Variants in RTKN2 observed in about 807,000 individuals in gnomAD.
The protein encoded by RTKN2 is rhotekin-2.
Under a neutral mutation model 71.5 loss-of-function variants are expected in RTKN2, and 69 were observed. The ratio of observed to expected loss-of-function variants is 0.96; its 90% CI spans 0.79 to 1.18. The LOEUF (loss-of-function observed/expected upper bound fraction) is 1.18. RTKN2 is among the 50% of genes most tolerant of loss of function. The probability of loss-of-function intolerance (pLI) is 0.00; values close to 1 mark genes in which losing one functional copy is unlikely to be tolerated. For synonymous variants in RTKN2, 236 were observed against 236.5 expected (o/e 1.00, Z 0.02); for missense variants, 724 against 719.7 (o/e 1.01, Z -0.07).
Position 62,196,978 on chromosome 10 carries a change from G to A in RTKN2, c.*930C>T, listed in dbSNP as rs1841344143. The A allele has an allele frequency of 4.1e-6, 4 of 970,068 alleles. No homozygotes were observed. The highest frequency in any genetic ancestry group is 2.4e-6 in the Non-Finnish European group (2 of 816,410). The allele number at this position is 970,068 out of a possible 1,614,324, so 60.1% of individuals were successfully genotyped here. ...TGACATTTAATGAAAAATACCACTA[G>A]CAGACATCAACTCTTACTAGGAAAA... On this transcript the variant is annotated 3_prime_UTR_variant, in exon 12 of 12. Coordinates refer to ENST00000373789, the MANE Select transcript of RTKN2 (RefSeq NM_145307.4).
chr10:62,236,634 T>G (rs35494593), intron 5 of RTKN2, among the ~76,000 whole-genome samples: 13,283 of 152,092 alleles, frequency 0.087, 781 homozygotes, highest in South Asian at 0.25. Context: ...CACTCCCCTG[T>G]TCATTGCAGC....
intron 6 of RTKN2, among the ~76,000 whole-genome samples, chr10:62,225,924 G>A (rs912457942): frequency 1.1e-4 from 17 of 151,894 alleles, no homozygotes; most frequent in African/African-American, 4.1e-4. Flanking sequence ...TGGGACTACA[G>A]GCGCCCGCCA....
At chr10:62,184,459 AGAAT>A (rs2132750503) in intron 8 of RTKN2, 1 of 764,012 alleles carries the variant, frequency 1.3e-6, no homozygotes, top group African/African-American at 1.8e-5. Context: ...ACCACCAATC[AGAAT>A]CACAAAAGGC....
chr10:62,251,981 T>C (rs778830990), intron 2 of RTKN2, among the ~76,000 whole-genome samples: 18 of 151,878 alleles, frequency 1.2e-4, no homozygotes, highest in Non-Finnish European at 2.4e-4. Flanking sequence ...CAGAAAGTGA[T>C]AGACACAGAG....
chr10:62,250,252 G>T (rs1051324678), intron 2 of RTKN2, among the ~76,000 whole-genome samples: 1 of 152,170 alleles, frequency 6.6e-6, no homozygotes, highest in South Asian at 2.1e-4. Flanking sequence ...GTAAAAGAAA[G>T]GGCTCCAAAA....
intron 2 of RTKN2, 48 bp downstream of exon 2, chr10:62,262,577 T>G: frequency 1.6e-6 from 2 of 1,263,748 alleles, no homozygotes; most frequent in South Asian, 2.9e-5. Context: ...TGTTTTAAAT[T>G]TACATATTTA....
chr10:62,189,267 C>G (rs1841182781), downstream of RTKN2, among the ~76,000 whole-genome samples: 1 of 152,124 alleles, frequency 6.6e-6, no homozygotes, highest in Middle Eastern at 3.4e-3. Context: ...CCCCTAGTTG[C>G]AACGATAAAA....
At chr10:62,210,673 T>C (rs1320835492) in intron 9 of RTKN2, among the ~76,000 whole-genome samples, 1 of 152,132 alleles carries the variant, frequency 6.6e-6, no homozygotes, top group Non-Finnish European at 1.5e-5. Context: ...AAAAAGGATA[T>C]CTTCATGTAT....
chr10:62,197,887 T>C lies in RTKN2; in HGVS notation c.*21A>G, dbSNP rs375907370. 5.7e-5 allele frequency: 90 copies of C among 1,578,194 alleles called. 5 individuals are homozygous for C. The highest frequency in any genetic ancestry group is 5.5e-4 in the Admixed American group (29 of 53,028). On this transcript the variant is annotated 3_prime_UTR_variant, in exon 12 of 12. Transcript: ENST00000373789. ...CTTCACAGTTATAGATTTTGTTAAA[T>C]GTTTTATCATTAAGAGTTTTCTATA... is the stretch of plus-strand genomic sequence containing the variant.
chr10:62,243,289 T>C (rs1480198344), intron 3 of RTKN2, among the ~76,000 whole-genome samples: 1 of 152,082 alleles, frequency 6.6e-6, no homozygotes, highest in African/African-American at 2.4e-5. Context: ...TAAATTATAT[T>C]GGCATAACAG....
intron 6 of RTKN2, among the ~76,000 whole-genome samples, chr10:62,227,525 G>C (rs1437621744): frequency 6.6e-6 from 1 of 152,184 alleles, no homozygotes; most frequent in African/African-American, 2.4e-5. Context: ...GAGGCAGAGT[G>C]ATTTGAGATG....
At chr10:62,259,387 C>CTAGG in intron 2 of RTKN2, 1 of 239,010 alleles carries the variant, frequency 4.2e-6, no homozygotes, top group Non-Finnish European at 8.7e-6. Flanking sequence ...TGCCTGGCAC[C>CTAGG]TGGAAAGGCT....
chr10:62,239,337 G>C (rs1842323266), intron 5 of RTKN2: 1 of 186,746 alleles, frequency 5.4e-6, no homozygotes, highest in Non-Finnish European at 1.1e-5. Flanking sequence ...AGGATATTCT[G>C]TTGTATGCAT....
At position 62,195,566 on chromosome 10, in the gene RTKN2, GGAA is replaced by G. The variant is rs1395795699; in HGVS notation, c.*2339_*2341del. 3.5e-6 allele frequency: 2 copies of G among 577,850 alleles called. No homozygotes were observed. The highest frequency in any genetic ancestry group is 4.1e-5 in the African/African-American group (2 of 48,426). The allele number at this position is 577,850 out of a possible 1,614,324, so 35.8% of individuals were successfully genotyped here. A position where few individuals can be genotyped will look rare whatever the true frequency, so the allele number is the denominator to read the frequency against. On this transcript the variant is annotated 3_prime_UTR_variant, in exon 12 of 12. Transcript: ENST00000373789. The stretch of plus-strand genomic sequence containing the variant: ...AGAAAGAAACAAAGACAAAAAGGAA[GGAA>G]GGAGGGAAGGAGGGAAGGAGAGACG...
At chr10:62,242,762 T>TG (rs1008898245) in intron 3 of RTKN2, among the ~76,000 whole-genome samples, 1 of 151,962 alleles carries the variant, frequency 6.6e-6, no homozygotes, top group Non-Finnish European at 1.5e-5. Context: ...CTGGAGTAGC[T>TG]GGGTTTACGG....
intron 2 of RTKN2, among the ~76,000 whole-genome samples, chr10:62,261,750 A>T (rs1291890667): frequency 2.0e-5 from 3 of 152,068 alleles, no homozygotes; most frequent in African/African-American, 7.2e-5. Flanking sequence ...TCCTCATCAA[A>T]ATTTTACTTT....
intron 6 of RTKN2, among the ~76,000 whole-genome samples, chr10:62,225,972 G>A (rs1842014209): frequency 2.0e-5 from 3 of 151,820 alleles, no homozygotes; most frequent in African/African-American, 4.8e-5. Context: ...TAGTAGAGAC[G>A]GGGTTTCACC....
At chr10:62,250,995 T>C (rs1036165350) in intron 2 of RTKN2, among the ~76,000 whole-genome samples, 1 of 152,206 alleles carries the variant, frequency 6.6e-6, no homozygotes, top group Non-Finnish European at 1.5e-5. Flanking sequence ...CACACTGCCC[T>C]GTGGGATGTG....
At chr10:62,228,907 GA>G (rs1842090184) in intron 6 of RTKN2, among the ~76,000 whole-genome samples, 2 of 152,210 alleles carry the variant, frequency 1.3e-5, no homozygotes. Context: ...GAGGGGCAGA[GA>G]GAGGATATTG....
Sources: gnomAD v4.1 joint callset for allele counts (sites outside exome capture counted in the v4.1 genomes callset) on GRCh38, gnomAD v4.1.1 for gene constraint, MANE v1.5 for transcripts, NCBI Gene and HGNC (gene_info 2026-07-23, HGNC 2026-07-21) for gene names.